AK9: variants seen among roughly 807,000 people sequenced by gnomAD.
AK9 encodes adenylate kinase 9.
Under a neutral mutation model 239.6 loss-of-function variants are expected in AK9, and 191 were observed. That is an observed-to-expected ratio of 0.80 (90% CI 0.71 to 0.90). The LOEUF is 0.90. AK9 is among the 40% of genes least tolerant of loss of function. The pLI, the probability that AK9 is intolerant of heterozygous loss-of-function variation, is 0.00. For synonymous variants in AK9, 689 were observed against 721.0 expected, an observed-to-expected ratio of 0.96 and a Z score of 0.71; for missense variants, 1,995 against 2,214.7, an observed-to-expected ratio of 0.90 and a Z score of 1.99.
chr6:109,682,113 C>T (rs1473723281), intron 1 of AK9, among the ~76,000 whole-genome samples: 1 of 152,020 alleles, frequency 6.6e-6, no homozygotes, highest in African/African-American at 2.4e-5. Context: ...GAGATAGAGA[C>T]ACGACAAACC....
At position 109,683,210 on chromosome 6, in the gene AK9, A is replaced by G. The variant is rs536712722; in HGVS notation, c.-11-7454T>C. Among the ~76,000 whole-genome samples the G allele has an allele frequency of 2.6e-5, 4 of 152,342 alleles. No homozygotes were observed. The South Asian group carries it at 8.3e-4, about 32-fold the overall frequency. ...CAAAATTCAACACCTCATTCACGCT[A>G]AAAACTCTCAATAAACTAGGTATCA... On this transcript the variant is annotated intron_variant, in intron 1 of 40. Transcript: ENST00000424296.
At chr6:109,569,737 C>T (rs1021191467) in intron 21 of AK9, among the ~76,000 whole-genome samples, 2 of 152,178 alleles carry the variant, frequency 1.3e-5, no homozygotes, top group Admixed American at 6.5e-5. Flanking sequence ...GAGATACCAT[C>T]TCACACCAGT....
At chr6:109,657,004 C>T (rs938388873) in intron 7 of AK9, 120 bp from the exon 8 acceptor site, 42 of 1,143,062 alleles carry the variant, frequency 3.7e-5, no homozygotes, top group African/African-American at 1.9e-4. Context: ...GGGGAGGGGA[C>T]GATTAAAGAT....
At chr6:109,639,537 T>A (rs778594192) in intron 10 of AK9, among the ~76,000 whole-genome samples, 1 of 152,268 alleles carries the variant, frequency 6.6e-6, no homozygotes, top group African/African-American at 2.4e-5. Context: ...CTTTGTAGAT[T>A]CTGGATATTA....
Position 109,573,493 on chromosome 6 carries a change from A to G in AK9, c.2293T>C (p.Leu765=), listed in dbSNP as rs1328167742. ...EASHDTRGSW[L]PEEFEASEVP... Reference sequence around the variant, plus strand: ...TCAGATGCTTCAAACTCCTCAGGTAACCATGACCCTCGGGTATCGTGAGAT... The same window carrying G: ...TCAGATGCTTCAAACTCCTCAGGTAGCCATGACCCTCGGGTATCGTGAGAT... Residue 765 remains leucine (L), a synonymous_variant, in exon 21 of 41, where the codon TTA becomes CTA. Transcript: ENST00000424296. 1 of 1,551,282 alleles carries G rather than the reference A, an allele frequency of 6.4e-7. No individual in the cohort carries two copies. The highest frequency in any genetic ancestry group is 8.7e-7 in the Non-Finnish European group (1 of 1,146,798).
At chr6:109,529,096 A>G (rs768690392) in intron 28 of AK9, 23 bp from the exon 29 acceptor site, 1 of 1,541,588 alleles carries the variant, frequency 6.5e-7, no homozygotes, top group Non-Finnish European at 8.7e-7. Flanking sequence ...GAGACATTAA[A>G]AAATTGTAAT....
chr6:109,516,125 G>T, intron 30 of AK9, 50 bp from the exon 31 acceptor site: 2 of 1,426,116 alleles, frequency 1.4e-6, no homozygotes, highest in South Asian at 1.3e-5. Context: ...AAAAAGGCTG[G>T]TAGTATTTAG....
intron 3 of AK9, among the ~76,000 whole-genome samples, chr6:109,672,488 G>C (rs770821111): frequency 6.6e-6 from 1 of 152,060 alleles, no homozygotes; most frequent in Non-Finnish European, 1.5e-5. Flanking sequence ...TTTGAGACCA[G>C]CCTAGGCAAC....
chr6:109,562,423 C>T (rs1242680963), intron 24 of AK9, among the ~76,000 whole-genome samples: 1 of 152,122 alleles, frequency 6.6e-6, no homozygotes, highest in African/African-American at 2.4e-5. Flanking sequence ...TTTTACCGTC[C>T]TTGTCATCTA....
intron 8 of AK9, 85 bp downstream of exon 8, chr6:109,656,670 TG>T: frequency 7.2e-7 from 1 of 1,385,444 alleles, no homozygotes; most frequent in Non-Finnish European, 9.9e-7. Flanking sequence ...TAATAACACA[TG>T]GGGATGAAGA....
chr6:109,628,208 T>C (rs1795757934), intron 12 of AK9, among the ~76,000 whole-genome samples: 1 of 152,216 alleles, frequency 6.6e-6, no homozygotes, highest in African/African-American at 2.4e-5. Context: ...GTCCCTGCAC[T>C]GCTCAACCTC....
At chr6:109,529,666 C>T (rs1273128595) in intron 28 of AK9, among the ~76,000 whole-genome samples, 1 of 152,172 alleles carries the variant, frequency 6.6e-6, no homozygotes, top group Non-Finnish European at 1.5e-5. Flanking sequence ...CCTGCAACTA[C>T]ATGGTCCCAT....
intron 20 of AK9, among the ~76,000 whole-genome samples, chr6:109,578,134 C>A (rs1367501022): frequency 6.6e-6 from 1 of 151,724 alleles, no homozygotes; most frequent in Non-Finnish European, 1.5e-5. Context: ...AGGGTTTTAC[C>A]ATGTTAGCCA....
chr6:109,520,562 C>T (rs1779747079), intron 29 of AK9, among the ~76,000 whole-genome samples: 2 of 151,868 alleles, frequency 1.3e-5, no homozygotes, highest in African/African-American at 4.8e-5. Flanking sequence ...CCTCTGGCTT[C>T]TTTTTTCTTG....
intron 2 of AK9, among the ~76,000 whole-genome samples, chr6:109,674,769 G>A (rs988411448): frequency 1.3e-5 from 2 of 152,150 alleles, no homozygotes; most frequent in Non-Finnish European, 2.9e-5. Context: ...TGCTTTCACT[G>A]TTGACTTTTT....
intron 17 of AK9, among the ~76,000 whole-genome samples, chr6:109,592,411 C>T (rs1790374253): frequency 1.3e-5 from 2 of 149,622 alleles, no homozygotes; most frequent in Non-Finnish European, 3.0e-5. Flanking sequence ...CATAAGGTTT[C>T]TGGTGAGAAG....
rs1182664381 is a variant in AK9 at position 109,495,380 on chromosome 6, C to T, written c.5376G>A (p.Pro1792=). The change falls in exon 39 of 41, where the codon CCG becomes CCA. Residue 1792 remains proline (P), a synonymous_variant. Transcript: ENST00000424296. ...LPHKLPPLRE[P]ILLTSLPLPG... ...GCAAAGGAAGACTAGTAAGAAGTAT[C>T]GGTTCCCTTAATGGGGGAAGCTTGT... The T allele has an allele frequency of 2.5e-6, 4 of 1,613,634 alleles. No homozygotes were observed. The highest frequency in any genetic ancestry group is 3.4e-6 in the Non-Finnish European group (4 of 1,179,896).
intron 3 of AK9, among the ~76,000 whole-genome samples, chr6:109,673,783 G>A (rs1332784709): frequency 6.6e-6 from 1 of 151,842 alleles, no homozygotes; most frequent in Non-Finnish European, 1.5e-5. Context: ...TAAATGCTAT[G>A]AACAAAACTA....
chr6:109,612,037 G>A lies in AK9; in HGVS notation c.1666C>T (p.Gln556Ter). The A allele has an allele frequency of 1.3e-6, 2 of 1,536,416 alleles. No homozygotes were observed. Among genetic ancestry groups the A allele is most frequent in the Non-Finnish European group, 1.8e-6 (2 of 1,139,172 alleles). ...GTATCTGAATACAACTTTACATCTT[G>A]ACTAGCATCTTGAGAATGCCTTTTA... ...TFKRHSQDAS[Q>*]DVKLYSDTAP... Residue 556 changes from glutamine to a stop codon, truncating the protein, a stop_gained, in exon 16 of 41, where the codon CAA (glutamine) becomes TAA (stop). Coordinates refer to ENST00000424296, the MANE Select transcript of AK9 (RefSeq NM_001145128.3). LOFTEE classifies it high-confidence loss of function.
Sources: gnomAD v4.1 joint callset for allele counts (sites outside exome capture counted in the v4.1 genomes callset) on GRCh38, gnomAD v4.1.1 for gene constraint, MANE v1.5 for transcripts, NCBI Gene and HGNC (gene_info 2026-07-23, HGNC 2026-07-21) for gene names.